The following CSMD1 variants were observed in gnomAD, a reference collection of about 807,000 sequenced individuals.
The protein encoded by CSMD1 is CUB and Sushi multiple domains 1, also known as CUB and sushi domain-containing protein 1.
A neutral mutation model predicts 417.5 loss-of-function variants in CSMD1; 213 were observed. That is an observed-to-expected ratio of 0.51 (90% CI 0.46 to 0.57). CSMD1 has a LOEUF of 0.57. CSMD1 is among the 20% of genes least tolerant of loss of function. CSMD1 has a pLI of 0.00. For synonymous variants in CSMD1, 2,862 were observed against 1,736.8 expected (o/e 1.65, Z -16.11); for missense variants, 6,923 against 4,529.7 (o/e 1.53, Z -15.17).
chr8:3,588,324 A>T (rs1800693101), intron 8 of CSMD1, among the ~76,000 whole-genome samples: 1 of 38,874 alleles, frequency 2.6e-5, no homozygotes, highest in African/African-American at 9.2e-5. Flanking sequence ...ACATAAAGAA[A>T]ACAAAAAGTC....
intron 2 of CSMD1, among the ~76,000 whole-genome samples, chr8:4,594,884 C>G (rs1019957435): frequency 2.0e-5 from 3 of 152,096 alleles, no homozygotes; most frequent in Non-Finnish European, 4.4e-5. Flanking sequence ...AGAAATGACT[C>G]TGTAAAAGGA....
chr8:4,487,304 T>C (rs1801466678), intron 2 of CSMD1, among the ~76,000 whole-genome samples: 1 of 152,176 alleles, frequency 6.6e-6, no homozygotes, highest in Non-Finnish European at 1.5e-5. Flanking sequence ...GTATATCTCC[T>C]AATGCTATCC....
chr8:4,298,354 T>A (rs1230026532), intron 3 of CSMD1, among the ~76,000 whole-genome samples: 1 of 152,180 alleles, frequency 6.6e-6, no homozygotes, highest in East Asian at 1.9e-4. Context: ...TGACATCAGT[T>A]TACTGTAATA....
intron 17 of CSMD1, among the ~76,000 whole-genome samples, 177 bp downstream of exon 17, chr8:3,396,017 C>T (rs1045150010): frequency 1.3e-5 from 2 of 152,126 alleles, no homozygotes; most frequent in African/African-American, 4.8e-5. Context: ...GCAGTAATTC[C>T]AAGATGCTCT....
chr8:3,431,017 T>A (rs921423885), intron 12 of CSMD1, among the ~76,000 whole-genome samples: 2 of 152,152 alleles, frequency 1.3e-5, no homozygotes, highest in African/African-American at 2.4e-5. Context: ...TGGTTTTAGT[T>A]CCTTAGCAAG....
chr8:2,959,647 G>A (rs1290266181), intron 62 of CSMD1, among the ~76,000 whole-genome samples: 1 of 152,130 alleles, frequency 6.6e-6, no homozygotes, highest in Non-Finnish European at 1.5e-5. Flanking sequence ...CACGCTGGCT[G>A]GAGAACGGGA....
intron 23 of CSMD1, among the ~76,000 whole-genome samples, chr8:3,319,308 A>C (rs1448547719): frequency 6.6e-6 from 1 of 152,238 alleles, no homozygotes; most frequent in African/African-American, 2.4e-5. Context: ...CAGGGATTAG[A>C]ACCACTGCAG....
At chr8:2,999,424 G>A (rs529457644) in intron 53 of CSMD1, among the ~76,000 whole-genome samples, 1 of 152,148 alleles carries the variant, frequency 6.6e-6, no homozygotes, top group Non-Finnish European at 1.5e-5. Context: ...AAAGTGCTGG[G>A]ATTACAGGCG....
intron 5 of CSMD1, among the ~76,000 whole-genome samples, chr8:3,868,230 TG>T (rs5888996): frequency 0.43 from 64,645 of 151,802 alleles, 16,075 homozygotes; most frequent in African/African-American, 0.7. Context: ...AGAACGAGGA[TG>T]GGGGGGCATC....
At chr8:3,085,395 A>C (rs1814454891) in intron 49 of CSMD1, among the ~76,000 whole-genome samples, 1 of 152,234 alleles carries the variant, frequency 6.6e-6, no homozygotes, top group Admixed American at 6.5e-5. Flanking sequence ...ATAATTTGAG[A>C]ACAAAGTCGT....
Position 3,118,717 on chromosome 8 carries a change from C to T in CSMD1, c.6242-130G>A, listed in dbSNP as rs182586131. On this transcript the variant is annotated intron_variant, in intron 41 of 69. Coordinates refer to ENST00000635120, the MANE Select transcript of CSMD1 (RefSeq NM_033225.6). ...GGATAAGTTTAATAAGGTATATTTT[C>T]TAAGTAGTCAGTTGCCATCCAGACC... 1.2e-4 allele frequency: 91 copies of T among 733,698 alleles called. 1 individual carries two copies. In the African/African-American group the frequency reaches 1.4e-3, roughly 11 times the overall value. The allele number at this position is 733,698 out of a possible 1,614,324, so 45.4% of individuals were successfully genotyped here. A position where few individuals can be genotyped will look rare whatever the true frequency, so the allele number is the denominator to read the frequency against.
At chr8:4,330,583 C>A (rs1445542501) in intron 3 of CSMD1, among the ~76,000 whole-genome samples, 1 of 122,390 alleles carries the variant, frequency 8.2e-6, no homozygotes, top group South Asian at 2.7e-4. Context: ...GAGTGAAACC[C>A]TGTCTCAAAA....
chr8:4,644,574 T>C lies in CSMD1; in HGVS notation c.86-7016A>G, dbSNP rs145983367. Among the ~76,000 whole-genome samples the C allele has an allele frequency of 1.6e-3, 246 of 152,210 alleles. 3 individuals carry two copies. The highest frequency in any genetic ancestry group is 5.8e-3 in the African/African-American group (239 of 41,540). On this transcript the variant is annotated intron_variant, in intron 1 of 69. Transcript: ENST00000635120. ...GGCACGCGCCACCACACCTGACTAA[T>C]ATTTCTATTTTTAGTAGAGACAGGG...
At chr8:4,157,404 T>C (rs1796894074) in intron 3 of CSMD1, among the ~76,000 whole-genome samples, 1 of 152,016 alleles carries the variant, frequency 6.6e-6, no homozygotes, top group African/African-American at 2.4e-5. Flanking sequence ...GAATTGAAAA[T>C]TTTCTATTTT....
At chr8:4,654,095 G>C (rs928180112) in intron 1 of CSMD1, among the ~76,000 whole-genome samples, 1 of 151,982 alleles carries the variant, frequency 6.6e-6, no homozygotes, top group Admixed American at 6.6e-5. Flanking sequence ...TTTCTTTCCC[G>C]GTGCAAACCA....
intron 2 of CSMD1, among the ~76,000 whole-genome samples, chr8:4,480,452 C>G (rs949880665): frequency 2.6e-5 from 4 of 152,170 alleles, no homozygotes; most frequent in Non-Finnish European, 5.9e-5. Context: ...GCATAACCTT[C>G]TACTCTCATA....
intron 20 of CSMD1, among the ~76,000 whole-genome samples, chr8:3,366,184 A>G (rs1316362456): frequency 6.6e-6 from 1 of 152,192 alleles, no homozygotes; most frequent in Non-Finnish European, 1.5e-5. Flanking sequence ...AATGCAAGTT[A>G]ATATGATTGT....
At chr8:3,698,492 C>G (rs1156759457) in intron 7 of CSMD1, among the ~76,000 whole-genome samples, 7 of 152,178 alleles carry the variant, frequency 4.6e-5, no homozygotes, top group African/African-American at 7.2e-5. Context: ...AAAGCAAGAC[C>G]TACAGCACTT....
chr8:3,774,384 GC>G (rs1286107148), intron 5 of CSMD1, among the ~76,000 whole-genome samples: 1 of 152,166 alleles, frequency 6.6e-6, no homozygotes, highest in Non-Finnish European at 1.5e-5. Context: ...TCCCCGGGAT[GC>G]AAAACACAAG....
Sources: gnomAD v4.1 joint callset for allele counts (sites outside exome capture counted in the v4.1 genomes callset) on GRCh38, gnomAD v4.1.1 for gene constraint, MANE v1.5 for transcripts, NCBI Gene and HGNC (gene_info 2026-07-23, HGNC 2026-07-21) for gene names.